Variants in RCE1 observed in about 807,000 individuals in gnomAD.
RCE1 encodes the protein CAAX prenyl protease 2.
Under a neutral mutation model 35.0 loss-of-function variants are expected in RCE1, and 15 were observed. The ratio of observed to expected loss-of-function variants is 0.43; its 90% CI spans 0.29 to 0.66. The LOEUF (loss-of-function observed/expected upper bound fraction) is 0.66, where lower values mean the gene tolerates loss of function less well. Ranked by LOEUF, RCE1 falls within the 30% of genes least tolerant of loss-of-function variation. RCE1 has a pLI of 0.17. For missense variants in RCE1, 434 were observed against 433.0 expected, an observed-to-expected ratio of 1.00 and a Z score of -0.02; for synonymous variants, 261 against 192.7, an observed-to-expected ratio of 1.35 and a Z score of -2.94.
At position 66,843,768 on chromosome 11, in the gene RCE1, C is replaced by T. The variant is rs746241500; in HGVS notation, c.195C>T (p.Pro65=). 7 of 1,613,692 alleles carry T rather than the reference C, an allele frequency of 4.3e-6. No homozygotes were observed. In the Admixed American group the frequency reaches 1.2e-4, roughly 27 times the overall value. ...ACTGTCCCCTCCGTAGGGACCATCCCGCGGTCATCAAGCGACGCTTCACCA... is the reference window on the plus strand; with the variant it reads ...ACTGTCCCCTCCGTAGGGACCATCCTGCGGTCATCAAGCGACGCTTCACCA... ...VWKSELPRDH[P]AVIKRRFTSV... Residue 65 remains proline, a synonymous_variant, in exon 2 of 8, where the codon CCC becomes CCT. Coordinates refer to ENST00000309657, the MANE Select transcript of RCE1 (RefSeq NM_005133.3).
Position 66,845,981 on chromosome 11 carries a change from G to C in RCE1, c.876G>C (p.Val292=). Residue 292 remains valine (V), a synonymous_variant, in exon 8 of 8, where the codon GTG becomes GTC. Coordinates refer to ENST00000309657, the MANE Select transcript of RCE1 (RefSeq NM_005133.3). ...TGCTGGCAGGCTATGCCCTGGGTGT[G>C]GGACTCTTCCTGCTTCTGCTCCAGC... ...RPLLAGYALG[V]GLFLLLLQPL... The C allele has an allele frequency of 6.2e-7, 1 of 1,613,840 alleles. No homozygotes were observed. Among genetic ancestry groups the C allele is most frequent in the Non-Finnish European group, 8.5e-7 (1 of 1,180,028 alleles).
In RCE1 at chr11:66,845,161, C is replaced by T. The variant is rs368155242; in HGVS notation, c.620-5C>T. On this transcript the variant is annotated splice_polypyrimidine_tract_variant and splice_region_variant and intron_variant, in intron 5 of 7. Coordinates refer to ENST00000309657, the MANE Select transcript of RCE1 (RefSeq NM_005133.3). ...ACTGTGATGTGATTGTCACCTTTTT[C>T]CCAGCCCATTTTCACCATATTATTG... 1.5e-5 allele frequency: 24 copies of T among 1,614,086 alleles called. No homozygotes were observed. The highest frequency in any genetic ancestry group is 1.9e-5 in the Non-Finnish European group (23 of 1,180,042).
chr11:66,844,045 T>C lies in RCE1; in HGVS notation c.372+6T>C. On this transcript the variant is annotated splice_donor_region_variant and intron_variant, in intron 3 of 7. Transcript: ENST00000309657. The stretch of plus-strand genomic sequence containing the variant: ...TGCCCCTGTTGCTGACCATGGTGAG[T>C]GCTCCTGCTGTATTTTTTCTTCTGG... The C allele has an allele frequency of 6.2e-7, 1 of 1,614,060 alleles. No homozygotes were observed. The highest frequency in any genetic ancestry group is 8.5e-7 in the Non-Finnish European group (1 of 1,180,036).
chr11:66,844,120 T>A, intron 3 of RCE1, 81 bp downstream of exon 3: 2 of 1,607,152 alleles, frequency 1.2e-6, no homozygotes, highest in Non-Finnish European at 1.7e-6. Flanking sequence ...GTTTTTGGTT[T>A]TTGGTTGATG....
At position 66,843,565 on chromosome 11, in the gene RCE1, T is replaced by C. The variant is rs1054236389; in HGVS notation, c.110T>C (p.Val37Ala). ...CTGGGCCCCGGGCTGTGCTGCTGGG[T>C]GTCAGTGTTCTCCTGCCTCAGCCTC... is the stretch of plus-strand genomic sequence containing the variant. The part of the protein sequence containing the change: ...GGLGPGLCCW[V>A]SVFSCLSLAC... The change falls in exon 1 of 8, where the codon GTG (valine) becomes GCG (alanine). Residue 37 changes from valine to alanine, a missense_variant. By Grantham distance (64) the Val-to-Ala change is moderately conservative. Transcript: ENST00000309657. 3.4e-5 allele frequency: 54 copies of C among 1,576,750 alleles called. No individual in the cohort carries two copies. Among genetic ancestry groups the C allele is most frequent in the Non-Finnish European group, 4.4e-5 (52 of 1,169,656 alleles).
chr11:66,844,104 A>G (rs1329530460), intron 3 of RCE1, 65 bp downstream of exon 3: 33 of 1,610,404 alleles, frequency 2.0e-5, no homozygotes, highest in Non-Finnish European at 2.1e-5. Context: ...AGTGCCGTGG[A>G]CTCTTGTTTT....
Position 66,846,068 on chromosome 11 carries a change from G to C in RCE1, c.963G>C (p.Gly321=), listed in dbSNP as rs753860299. 1 of 1,611,900 alleles carries C rather than the reference G, an allele frequency of 6.2e-7. No homozygotes were observed. The highest frequency in any genetic ancestry group is 8.5e-7 in the Non-Finnish European group (1 of 1,179,560). ...LPLCVLLERA[G]DSEAPLCS is the part of the protein sequence containing the mutation. ...TTTGTGTGCTTTTGGAGCGGGCAGGGGACTCAGAGGCTCCCCTGTGCTCCT... is the reference window on the plus strand; with the variant it reads ...TTTGTGTGCTTTTGGAGCGGGCAGGCGACTCAGAGGCTCCCCTGTGCTCCT... Residue 321 remains glycine (G), a synonymous_variant, in exon 8 of 8, where the codon GGG becomes GGC. Coordinates refer to ENST00000309657, the MANE Select transcript of RCE1 (RefSeq NM_005133.3).
At position 66,844,740 on chromosome 11, in the gene RCE1, C is replaced by T. The variant is rs114256318; in HGVS notation, c.452-129C>T. 290 of 1,303,184 alleles carry T rather than the reference C, an allele frequency of 2.2e-4. 1 individual carries two copies. The African/African-American group carries it at 4.1e-3, about 19-fold the overall frequency. The allele number at this position is 1,303,184 out of a possible 1,614,324, so 80.7% of individuals were successfully genotyped here. The stretch of plus-strand genomic sequence containing the variant: ...GTTTATGTTGGGTCCACACCCCCGT[C>T]CTCAGCAGTATTGATGCCTAACCTG... On this transcript the variant is annotated intron_variant, in intron 4 of 7. Coordinates refer to ENST00000309657, the MANE Select transcript of RCE1 (RefSeq NM_005133.3).
rs1227529086 is a variant in RCE1 at position 66,846,455 on chromosome 11, TC to T, written c.*362del. Reference sequence around the variant, plus strand: ...TCTCCCCACCCCCCACCCCCCAACTTCCTGGGTTTTCTCATTGTCTTTTTGC... The same window carrying T: ...TCTCCCCACCCCCCACCCCCCAACTTCTGGGTTTTCTCATTGTCTTTTTGC... On this transcript the variant is annotated 3_prime_UTR_variant, in exon 8 of 8. Coordinates refer to ENST00000309657, the MANE Select transcript of RCE1 (RefSeq NM_005133.3). 1 of 158,774 alleles carries T rather than the reference TC, an allele frequency of 6.3e-6. No homozygotes were observed. Among genetic ancestry groups the T allele is most frequent in the Non-Finnish European group, 1.2e-5 (1 of 84,164 alleles). 9.8% of individuals were successfully genotyped at this position (158,774 alleles called of 1,614,324 possible).
At chr11:66,844,466 A>G (rs1591101027) in intron 4 of RCE1, 102 bp downstream of exon 4, 3 of 1,458,276 alleles carry the variant, frequency 2.1e-6, no homozygotes, top group East Asian at 2.3e-5. Context: ...GTGAAATGTC[A>G]TCTCTCTGGG....
intron 6 of RCE1, 118 bp from the exon 7 acceptor site, chr11:66,845,381 GT>G: frequency 6.3e-7 from 1 of 1,576,220 alleles, no homozygotes. Flanking sequence ...GCTGTAGGTG[GT>G]GGGGCAGGCA....
In RCE1 at chr11:66,846,418, AT is replaced by A; in HGVS notation, c.*326del. 4.2e-6 allele frequency: 1 copy of A among 235,378 alleles called. No individual in the cohort carries two copies. The highest frequency in any genetic ancestry group is 8.2e-6 in the Non-Finnish European group (1 of 121,288). 14.6% of individuals were successfully genotyped at this position (235,378 alleles called of 1,614,324 possible). Reference sequence around the variant, plus strand: ...TCTGAAAAGCTGCTCGGGGTTTTTTATTTATAAAACCTCTCCCCACCCCCCA... The same window carrying A: ...TCTGAAAAGCTGCTCGGGGTTTTTTATTATAAAACCTCTCCCCACCCCCCA... On this transcript the variant is annotated 3_prime_UTR_variant, in exon 8 of 8. Transcript: ENST00000309657.
In RCE1 at chr11:66,845,162, C is replaced by G. The variant is rs374365634; in HGVS notation, c.620-4C>G. The stretch of plus-strand genomic sequence containing the variant: ...CTGTGATGTGATTGTCACCTTTTTC[C>G]CAGCCCATTTTCACCATATTATTGA... On this transcript the variant is annotated splice_polypyrimidine_tract_variant and splice_region_variant and intron_variant, in intron 5 of 7. Transcript: ENST00000309657. The G allele has an allele frequency of 3.7e-6, 6 of 1,614,190 alleles. No homozygotes were observed. In the Admixed American group the frequency reaches 1.0e-4, roughly 27 times the overall value.
intron 7 of RCE1, 124 bp downstream of exon 7, chr11:66,845,686 C>T (rs1440370217): frequency 2.0e-6 from 3 of 1,515,790 alleles, no homozygotes; most frequent in African/African-American, 1.4e-5. Context: ...TGAGCCAGAG[C>T]CCTCAGCCTG....
In RCE1 at chr11:66,845,930, C is replaced by A; in HGVS notation, c.825C>A (p.Ala275=). 1 of 1,613,770 alleles carries A rather than the reference C, an allele frequency of 6.2e-7. No homozygotes were observed. The highest frequency in any genetic ancestry group is 1.1e-5 in the South Asian group (1 of 91,088). ...TGGGTTTCCCAGCTGTTTGCGCGGC[C>A]TTGGAGCACCCACAGAGGCGGCCCC... is the stretch of plus-strand genomic sequence containing the variant. ...NYMGFPAVCA[A]LEHPQRRPLL... The change falls in exon 8 of 8, where the codon GCC becomes GCA. Residue 275 remains alanine (A), a synonymous_variant. Transcript: ENST00000309657.
At chr11:66,844,463 G>GTCA (rs1297657090) in intron 4 of RCE1, 99 bp downstream of exon 4, 1 of 1,468,824 alleles carries the variant, frequency 6.8e-7, no homozygotes, top group Admixed American at 1.7e-5. Context: ...CACGTGAAAT[G>GTCA]TCATCTCTCT....
intron 3 of RCE1, 21 bp from the exon 4 acceptor site, chr11:66,844,265 A>T (rs1319503341): frequency 1.2e-6 from 2 of 1,614,102 alleles, no homozygotes; most frequent in East Asian, 4.5e-5. Context: ...GGTTATGGTG[A>T]AAGTGTTTTC....
Position 66,846,002 on chromosome 11 carries a change from C to T in RCE1, c.897C>T (p.Leu299=), listed in dbSNP as rs1565202848. Residue 299 remains leucine, a synonymous_variant, in exon 8 of 8, where the codon CTC becomes CTT. Coordinates refer to ENST00000309657, the MANE Select transcript of RCE1 (RefSeq NM_005133.3). ...GTGTGGGACTCTTCCTGCTTCTGCT[C>T]CAGCCCCTCACGGACCCCAAGCTCT... ...ALGVGLFLLL[L]QPLTDPKLYG... is the part of the protein sequence containing the mutation. 4 of 1,613,940 alleles carry T rather than the reference C, an allele frequency of 2.5e-6. No individual in the cohort carries two copies. Among genetic ancestry groups the T allele is most frequent in the Non-Finnish European group, 3.4e-6 (4 of 1,180,036 alleles).
intron 7 of RCE1, 85 bp downstream of exon 7, chr11:66,845,647 G>A (rs1945196767): frequency 5.0e-6 from 8 of 1,593,386 alleles, no homozygotes; most frequent in African/African-American, 1.3e-5. Flanking sequence ...AGGAACAAAA[G>A]TTCTTCTACT....
Sources: allele counts gnomAD v4.1 joint callset, GRCh38; gene constraint gnomAD v4.1.1; transcripts MANE v1.5; gene names NCBI Gene and HGNC (gene_info 2026-07-23, HGNC 2026-07-21).